The following PARD3B variants were observed in gnomAD, a reference collection of about 807,000 sequenced individuals.
PARD3B encodes the protein par-3 family cell polarity regulator beta, also known as partitioning defective 3 homolog B.
In PARD3B, 103 loss-of-function variants were observed where a neutral mutation model predicts 130.2. The observed-to-expected ratio is 0.79, with a 90% CI of 0.67 to 0.93. PARD3B has a LOEUF of 0.93. Among genes scored for constraint, PARD3B ranks in the 40% least tolerant of loss-of-function variants. The pLI is 0.00. For missense variants in PARD3B, 1,609 were observed against 1,499.2 expected, an observed-to-expected ratio of 1.07 and a Z score of -1.21; for synonymous variants, 583 against 553.2, an observed-to-expected ratio of 1.05 and a Z score of -0.76.
intron 20 of PARD3B, among the ~76,000 whole-genome samples, chr2:205,459,277 A>G (rs1371583448): frequency 1.3e-5 from 2 of 152,158 alleles, no homozygotes; most frequent in African/African-American, 2.4e-5. Context: ...GAGTTCTCCA[A>G]TGCCTTCAAG....
At chr2:205,239,607 G>A (rs187290471) in intron 15 of PARD3B, among the ~76,000 whole-genome samples, 188 of 152,140 alleles carry the variant, frequency 1.2e-3, no homozygotes, top group Admixed American at 3.9e-3. Context: ...TTGGATTTTC[G>A]CAACTTTCAA....
chr2:205,165,616 G>GC (rs1246415771), intron 11 of PARD3B, among the ~76,000 whole-genome samples: 4 of 151,676 alleles, frequency 2.6e-5, no homozygotes, highest in African/African-American at 4.9e-5. Flanking sequence ...TACTTGGGAG[G>GC]CTGAGGCAGG....
At chr2:204,929,987 A>C (rs1687906904) in intron 2 of PARD3B, among the ~76,000 whole-genome samples, 1 of 151,994 alleles carries the variant, frequency 6.6e-6, no homozygotes, top group African/African-American at 2.4e-5. Context: ...AGTCTAAGTA[A>C]GACATGTTTT....
At chr2:205,189,968 C>A (rs995876429) in intron 14 of PARD3B, among the ~76,000 whole-genome samples, 1 of 152,230 alleles carries the variant, frequency 6.6e-6, no homozygotes, top group Admixed American at 6.5e-5. Context: ...ATGTAGATAT[C>A]TCATTATGAT....
At chr2:204,837,422 CTTT>C (rs201988854) in intron 2 of PARD3B, among the ~76,000 whole-genome samples, 1 of 140,072 alleles carries the variant, frequency 7.1e-6, no homozygotes, top group Non-Finnish European at 1.6e-5. Context: ...ATAAAAATTA[CTTT>C]TTTTTTTTTT....
At chr2:205,067,094 G>C (rs1165670084) in intron 4 of PARD3B, among the ~76,000 whole-genome samples, 1 of 24,856 alleles carries the variant, frequency 4.0e-5, no homozygotes, top group Non-Finnish European at 7.8e-5. Flanking sequence ...CTTTTACTAG[G>C]CTTTTTTTTT....
intron 1 of PARD3B, among the ~76,000 whole-genome samples, chr2:204,644,091 A>T (rs1470220337): frequency 1.3e-5 from 2 of 152,074 alleles, no homozygotes; most frequent in Non-Finnish European, 2.9e-5. Context: ...TCTCCACTCC[A>T]TTGGTAACAC....
intron 21 of PARD3B, among the ~76,000 whole-genome samples, chr2:205,523,225 G>GTGTGTGTA (rs1553536839): frequency 2.1e-5 from 3 of 142,958 alleles, no homozygotes; most frequent in African/African-American, 7.7e-5. Context: ...GTGTGTGTGT[G>GTGTGTGTA]TATATATATA....
At chr2:205,481,204 G>A (rs139248694) in intron 20 of PARD3B, among the ~76,000 whole-genome samples, 70 of 152,260 alleles carry the variant, frequency 4.6e-4, no homozygotes, top group African/African-American at 1.6e-3. Flanking sequence ...TTTAAAAGGA[G>A]GGGCAAGAAT....
At chr2:205,195,404 G>T (rs1574350941) in intron 15 of PARD3B, among the ~76,000 whole-genome samples, 2 of 152,142 alleles carry the variant, frequency 1.3e-5, no homozygotes, top group African/African-American at 4.8e-5. Context: ...TCCTTTCCAA[G>T]AAGTACCAGG....
chr2:204,930,067 G>C (rs1166709047), intron 2 of PARD3B, among the ~76,000 whole-genome samples: 1 of 151,690 alleles, frequency 6.6e-6, no homozygotes, highest in East Asian at 1.9e-4. Flanking sequence ...GATTCTCTGG[G>C]ACTTCTGTTC....
chr2:205,284,849 C>A (rs762878549), intron 16 of PARD3B, among the ~76,000 whole-genome samples: 20 of 151,850 alleles, frequency 1.3e-4, no homozygotes, highest in Non-Finnish European at 2.6e-4. Flanking sequence ...ATATCTAGTG[C>A]CAATAACTCA....
intron 20 of PARD3B, among the ~76,000 whole-genome samples, chr2:205,468,202 C>T (rs1444179388): frequency 6.6e-6 from 1 of 152,222 alleles, no homozygotes; most frequent in East Asian, 1.9e-4. Flanking sequence ...AATCCCTCCA[C>T]AGAAGGCTTC....
intron 10 of PARD3B, among the ~76,000 whole-genome samples, chr2:205,156,237 G>A (rs1191419472): frequency 1.9e-5 from 2 of 105,994 alleles, no homozygotes; most frequent in African/African-American, 3.7e-5. Flanking sequence ...ACAGGAAGGG[G>A]AACATCACAC....
At chr2:205,114,849 G>C (rs958532426) in intron 6 of PARD3B, among the ~76,000 whole-genome samples, 10 of 151,088 alleles carry the variant, frequency 6.6e-5, no homozygotes, top group Admixed American at 2.6e-4. Flanking sequence ...AACTCTTATT[G>C]TCTCATTTCC....
chr2:205,021,240 A>AATTTTAAAACTCCCTTGAGT lies in PARD3B; in HGVS notation c.395-26341_395-26340insATTTTAAAACTCCCTTGAGT. Among the ~76,000 whole-genome samples the AATTTTAAAACTCCCTTGAGT allele has an allele frequency of 6.6e-6, 1 of 152,196 alleles. No individual in the cohort carries two copies. The highest frequency in any genetic ancestry group is 1.5e-5 in the Non-Finnish European group (1 of 68,036). On this transcript the variant is annotated intron_variant, in intron 3 of 22. Transcript: ENST00000406610. The surrounding 1 kb of genome is among the most constrained non-coding windows in gnomAD (Gnocchi z 4.5). ...TATATAGTTTGGTAGAAATACATCC[A>AATTTTAAAACTCCCTTGAGT]CACTGTATGAGTCTCAATTTTAAAA... is the stretch of plus-strand genomic sequence containing the variant.
intron 19 of PARD3B, among the ~76,000 whole-genome samples, chr2:205,435,146 A>G (rs888696868): frequency 6.6e-6 from 1 of 151,958 alleles, no homozygotes. Flanking sequence ...CTCTAATTCC[A>G]CTCTCTAGAT....
chr2:205,522,844 T>C (rs2051140155), intron 21 of PARD3B, among the ~76,000 whole-genome samples: 1 of 152,110 alleles, frequency 6.6e-6, no homozygotes, highest in South Asian at 2.1e-4. Context: ...TTACAAATAT[T>C]TAGGTATGAG....
chr2:204,973,856 A>G (rs1014981812), intron 3 of PARD3B, among the ~76,000 whole-genome samples: 1 of 152,256 alleles, frequency 6.6e-6, no homozygotes, highest in Non-Finnish European at 1.5e-5. Flanking sequence ...TGATAAGGAA[A>G]GGTGACAGCC....
Sources: gnomAD v4.1 joint callset for allele counts (sites outside exome capture counted in the v4.1 genomes callset) on GRCh38, gnomAD v4.1.1 for gene constraint, Gnocchi (gnomAD v3.1) non-coding constraint, MANE v1.5 for transcripts, NCBI Gene and HGNC (gene_info 2026-07-23, HGNC 2026-07-21) for gene names.